Variants in SFRP5 observed in about 807,000 individuals in gnomAD.
SFRP5 encodes secreted frizzled-related protein 5.
Under a neutral mutation model 27.0 loss-of-function variants are expected in SFRP5, and 22 were observed. The ratio of observed to expected loss-of-function variants is 0.82; its 90% CI spans 0.58 to 1.17. The LOEUF (loss-of-function observed/expected upper bound fraction) is 1.17, where lower values mean the gene tolerates loss of function less well. SFRP5 is among the 50% of genes most tolerant of loss of function. SFRP5 has a pLI of 0.00. For missense variants in SFRP5, 406 were observed against 436.6 expected, an observed-to-expected ratio of 0.93 and a Z score of 0.63; for synonymous variants, 171 against 195.0, an observed-to-expected ratio of 0.88 and a Z score of 1.03.
chr10:97,767,637 C>T lies in SFRP5; in HGVS notation c.831G>A (p.Leu277=), dbSNP rs778314376. The stretch of plus-strand genomic sequence containing the variant: ...TGTCCCAGCGGTAGACGGCCATGAG[C>T]AGCAGCTGTCCATCCACTTTGCGGC... The part of the protein sequence containing the change: ...VMGRKVDGQL[L]LMAVYRWDKK... The change falls in exon 3 of 3, where the codon CTG becomes CTA. Residue 277 remains leucine (L), a synonymous_variant. Transcript: ENST00000266066. 6.2e-7 allele frequency: 1 copy of T among 1,614,036 alleles called. No homozygotes were observed. The highest frequency in any genetic ancestry group is 1.7e-5 in the Admixed American group (1 of 60,026).
intron 1 of SFRP5, among the ~76,000 whole-genome samples, chr10:97,770,953 AG>A (rs1468106563): frequency 6.6e-6 from 1 of 151,926 alleles, no homozygotes; most frequent in Non-Finnish European, 1.5e-5. Flanking sequence ...TTGGGCTGAG[AG>A]GGGTCATAAG....
chr10:97,770,145 C>T (rs1214312509), intron 1 of SFRP5, among the ~76,000 whole-genome samples: 1 of 152,254 alleles, frequency 6.6e-6, no homozygotes. Flanking sequence ...TCTCAGCTTA[C>T]TGCAACCTCT....
In SFRP5 at chr10:97,767,642, G is replaced by A. The variant is rs2049492455; in HGVS notation, c.826C>T (p.Leu276=). 1 of 1,613,930 alleles carries A rather than the reference G, an allele frequency of 6.2e-7. No homozygotes were observed. The highest frequency in any genetic ancestry group is 1.7e-5 in the Admixed American group (1 of 60,010). The change falls in exon 3 of 3, where the codon CTG becomes TTG. Residue 276 remains leucine, a synonymous_variant. Coordinates refer to ENST00000266066, the MANE Select transcript of SFRP5 (RefSeq NM_003015.3). ...CAGCGGTAGACGGCCATGAGCAGCA[G>A]CTGTCCATCCACTTTGCGGCCCATG... The part of the protein sequence containing the change: ...LVMGRKVDGQ[L]LLMAVYRWDK...
Position 97,771,462 on chromosome 10 carries a change from G to T in SFRP5, c.372C>A (p.Cys124Ter). 6.2e-7 allele frequency: 1 copy of T among 1,612,588 alleles called. No individual in the cohort carries two copies. Among genetic ancestry groups the T allele is most frequent in the South Asian group, 1.1e-5 (1 of 90,988 alleles). Residue 124 changes from cysteine (C) to a stop codon, truncating the protein, a stop_gained, in exon 1 of 3, where the codon TGC becomes TGA. Coordinates refer to ENST00000266066, the MANE Select transcript of SFRP5 (RefSeq NM_003015.3). LOFTEE classifies it high-confidence loss of function. This position sits in a 1 kb window ranked among gnomAD's most constrained non-coding sequence, Gnocchi z 5.2. ...PVCLDRPIYP[C>*]RSLCEAVRAG... ...CGCGCACGGCCTCGCACAGCGAGCG[G>T]CACGGGTAGATGGGCCGGTCGAGAC... is the stretch of plus-strand genomic sequence containing the variant.
chr10:97,767,772 C>T lies in SFRP5; in HGVS notation c.696G>A (p.Pro232=), dbSNP rs762696098. 127 of 1,575,228 alleles carry T rather than the reference C, an allele frequency of 8.1e-5. No individual in the cohort carries two copies. Among genetic ancestry groups the T allele is most frequent in the Non-Finnish European group, 1.0e-4 (117 of 1,163,188 alleles). The change falls in exon 3 of 3, where the codon CCG becomes CCA. Residue 232 remains proline, a synonymous_variant. Coordinates refer to ENST00000266066, the MANE Select transcript of SFRP5 (RefSeq NM_003015.3). ...GAQKKKKLLK[P]GPLKRKDTKR... Reference sequence around the variant, plus strand: ...TGGTGTCCTTGCGCTTCAGGGGGCCCGGCTTGAGCAGCTTCTTCTTTTTCT... The same window carrying T: ...TGGTGTCCTTGCGCTTCAGGGGGCCTGGCTTGAGCAGCTTCTTCTTTTTCT...
chr10:97,769,560 C>A (rs552288909), intron 2 of SFRP5, 108 bp downstream of exon 2: 3 of 749,308 alleles, frequency 4.0e-6, no homozygotes, highest in African/African-American at 1.7e-5. Context: ...GATGCAAAAA[C>A]TGTTGGGATT....
In SFRP5 at chr10:97,770,372, T is replaced by A. The variant is rs190386063; in HGVS notation, c.530-627A>T. On this transcript the variant is annotated intron_variant, in intron 1 of 2. Transcript: ENST00000266066. ...AGTGTGAACCACTGCGCCCAGCCCT[T>A]ACTCCTATTTTGGAGAAAAGGGAAC... 3.8e-4 allele frequency among the ~76,000 whole-genome samples: 58 copies of A among 152,296 alleles called. 1 individual carries two copies. Among genetic ancestry groups the A allele is most frequent in the African/African-American group, 1.3e-3 (55 of 41,556 alleles).
Position 97,771,239 on chromosome 10 carries a change from C to T in SFRP5, c.529+66G>A, listed in dbSNP as rs1372233231. ...GGGGAGCTGCACCTCTTGGGGGGTT[C>T]GCAGAGCTGTGCTAGGGGAGCTGCA... On this transcript the variant is annotated intron_variant, in intron 1 of 2. Transcript: ENST00000266066. The surrounding 1 kb of genome is among the most constrained non-coding windows in gnomAD (Gnocchi z 5.2). 1 of 1,056,220 alleles carries T rather than the reference C, an allele frequency of 9.5e-7. No homozygotes were observed. Among genetic ancestry groups the T allele is most frequent in the Non-Finnish European group, 1.4e-6 (1 of 738,524 alleles). The allele number at this position is 1,056,220 out of a possible 1,614,324, so 65.4% of individuals were successfully genotyped here.
intron 2 of SFRP5, among the ~76,000 whole-genome samples, chr10:97,768,300 G>A (rs547223009): frequency 6.6e-6 from 1 of 152,090 alleles, no homozygotes; most frequent in South Asian, 2.1e-4. Flanking sequence ...GATTCCCACT[G>A]GGATTTCTGG....
rs1010225456 is a variant in SFRP5, at chr10:97,766,858, T to C, written c.*656A>G. 6.6e-5 allele frequency: 10 copies of C among 152,140 alleles called. No individual in the cohort carries two copies. The highest frequency in any genetic ancestry group is 1.0e-4 in the Non-Finnish European group (7 of 68,070). The allele number at this position is 152,140 out of a possible 1,614,324, so 9.4% of individuals were successfully genotyped here. A position where few individuals can be genotyped will look rare whatever the true frequency, so the allele number is the denominator to read the frequency against. On this transcript the variant is annotated 3_prime_UTR_variant, in exon 3 of 3. Coordinates refer to ENST00000266066, the MANE Select transcript of SFRP5 (RefSeq NM_003015.3). ...GCCTCACAGCAGTAGCAATAACTTA[T>C]TGGGATAAAAGGGAGAAGCAGAGGC...
In SFRP5 at chr10:97,771,992, C is replaced by T; in HGVS notation, c.-159G>A. ...TGGGTGGCAGCCTGCGCTGCGGGCG[C>T]CCCGACTGATCCTGGCGCCTCCCAC... On this transcript the variant is annotated 5_prime_UTR_variant, in exon 1 of 3. Coordinates refer to ENST00000266066, the MANE Select transcript of SFRP5 (RefSeq NM_003015.3). The surrounding 1 kb of genome is among the most constrained non-coding windows in gnomAD (Gnocchi z 5.2). 2.8e-6 allele frequency: 1 copy of T among 360,984 alleles called. No homozygotes were observed. The highest frequency in any genetic ancestry group is 3.9e-6 in the Non-Finnish European group (1 of 256,562). 22.4% of individuals were successfully genotyped at this position (360,984 alleles called of 1,614,324 possible).
At chr10:97,768,113 T>TG (rs56811172) in intron 2 of SFRP5, among the ~76,000 whole-genome samples, 1,559 of 152,228 alleles carry the variant, frequency 0.01, 29 homozygotes, top group African/African-American at 0.034. Flanking sequence ...GCTTGTGACC[T>TG]GCGTGAATCG....
intron 1 of SFRP5, among the ~76,000 whole-genome samples, chr10:97,770,590 G>T (rs1325685825): frequency 6.6e-6 from 1 of 152,162 alleles, no homozygotes; most frequent in Non-Finnish European, 1.5e-5. Context: ...CATGAGCCTG[G>T]GATGGCTTCC....
intron 2 of SFRP5, among the ~76,000 whole-genome samples, chr10:97,768,960 A>C (rs1221690836): frequency 6.6e-6 from 1 of 152,172 alleles, no homozygotes; most frequent in Non-Finnish European, 1.5e-5. Context: ...TGACACACAC[A>C]TACACCCCTT....
chr10:97,771,482 C>A lies in SFRP5; in HGVS notation c.352G>T (p.Asp118Tyr), dbSNP rs145515400. ...GAGCGGCACGGGTAGATGGGCCGGT[C>A]GAGACAGACGGGCGCAAAGAGCGAG... The part of the protein sequence containing the change: ...LCSLFAPVCL[D>Y]RPIYPCRSLC... Residue 118 changes from aspartate to tyrosine, a missense_variant, in exon 1 of 3, where the codon GAC becomes TAC. Coordinates refer to ENST00000266066, the MANE Select transcript of SFRP5 (RefSeq NM_003015.3). The surrounding 1 kb of genome is among the most constrained non-coding windows in gnomAD (Gnocchi z 5.2). The A allele has an allele frequency of 2.4e-4, 393 of 1,610,888 alleles. No homozygotes were observed. The African/African-American group carries it at 4.0e-3, about 16-fold the overall frequency.
rs2049511902 is a variant in SFRP5, at chr10:97,771,023, G to A, written c.529+282C>T. Among the ~76,000 whole-genome samples the A allele has an allele frequency of 6.6e-6, 1 of 152,134 alleles. No homozygotes were observed. Among genetic ancestry groups the A allele is most frequent in the African/African-American group, 2.4e-5 (1 of 41,428 alleles). ...GGCATTGGGGGATTCTCAGCAGCTT[G>A]GTTGGATGGGTACTGAGAGGGGTGC... On this transcript the variant is annotated intron_variant, in intron 1 of 2. Coordinates refer to ENST00000266066, the MANE Select transcript of SFRP5 (RefSeq NM_003015.3). The surrounding 1 kb of genome is among the most constrained non-coding windows in gnomAD (Gnocchi z 5.2).
In SFRP5 at chr10:97,771,701, G is replaced by T. The variant is rs1487279020; in HGVS notation, c.133C>A (p.Arg45Ser). The T allele has an allele frequency of 6.3e-7, 1 of 1,598,350 alleles. No individual in the cohort carries two copies. The highest frequency in any genetic ancestry group is 2.2e-5 in the East Asian group (1 of 44,824). The change falls in exon 1 of 3, where the codon CGC becomes AGC. Residue 45 changes from arginine (R) to serine (S), a missense_variant. By Grantham distance (110) the Arg-to-Ser change is moderately radical (BLOSUM62 -1). Transcript: ENST00000266066. This position sits in a 1 kb window ranked among gnomAD's most constrained non-coding sequence, Gnocchi z 5.2. ...CACTGCGGCGGCTTGGAGTAGGAGC[G>T]GCCGTGCAGCGGCTCGGCCTGCCAG... The part of the protein sequence containing the change: ...YGWQAEPLHG[R>S]SYSKPPQCLD...
In SFRP5 at chr10:97,767,660, G is replaced by C. The variant is rs776119856; in HGVS notation, c.808C>G (p.Arg270Gly). The C allele has an allele frequency of 3.8e-5, 62 of 1,613,932 alleles. No homozygotes were observed. Among genetic ancestry groups the C allele is most frequent in the Non-Finnish European group, 5.2e-5 (61 of 1,180,046 alleles). ...AGCAGCAGCTGTCCATCCACTTTGCGGCCCATGACCAGGAAGCTGCCCGCC... is the reference window on the plus strand; with the variant it reads ...AGCAGCAGCTGTCCATCCACTTTGCCGCCCATGACCAGGAAGCTGCCCGCC... The part of the protein sequence containing the change: ...SLAGSFLVMG[R>G]KVDGQLLLMA... Residue 270 changes from arginine (R) to glycine (G), a missense_variant, in exon 3 of 3, where the codon CGC becomes GGC. Arg to Gly is a moderately radical substitution (Grantham distance 125, BLOSUM62 -2). Transcript: ENST00000266066.
intron 1 of SFRP5, among the ~76,000 whole-genome samples, chr10:97,770,847 C>G (rs1209140930): frequency 7.2e-5 from 11 of 152,236 alleles, no homozygotes. Context: ...CTCACCTCTC[C>G]TCTCTTCCCA....
Sources: allele counts gnomAD v4.1 joint callset (sites outside exome capture counted in the v4.1 genomes callset), GRCh38; gene constraint gnomAD v4.1.1; non-coding constraint Gnocchi (gnomAD v3.1); transcripts MANE v1.5; gene names NCBI Gene and HGNC (gene_info 2026-07-23, HGNC 2026-07-21).